The following PPM1L variants were observed in gnomAD, a reference collection of about 807,000 sequenced individuals.
PPM1L encodes protein phosphatase, Mg2+/Mn2+ dependent 1L.
In PPM1L, 13 loss-of-function variants were observed where a neutral mutation model predicts 31.4. The ratio of observed to expected loss-of-function variants is 0.41; its 90% confidence interval spans 0.27 to 0.66. The LOEUF (loss-of-function observed/expected upper bound fraction) is 0.66, where lower values mean the gene tolerates loss of function less well. PPM1L is among the 30% of genes least tolerant of loss of function. The probability of loss-of-function intolerance (pLI) is 0.29; values close to 1 mark genes in which losing one functional copy is unlikely to be tolerated. For missense variants in PPM1L, 326 were observed against 453.7 expected (o/e 0.72, Z 2.56); for synonymous variants, 184 against 175.4 (o/e 1.05, Z -0.39).
chr3:161,021,256 T>C (rs1186001559), intron 2 of PPM1L, among the ~76,000 whole-genome samples: 1 of 152,080 alleles, frequency 6.6e-6, no homozygotes, highest in Non-Finnish European at 1.5e-5. Flanking sequence ...AAATATTTTC[T>C]AATTTCCCTT....
intron 2 of PPM1L, among the ~76,000 whole-genome samples, chr3:161,002,370 G>A (rs1311998718): frequency 6.6e-6 from 1 of 152,158 alleles, no homozygotes; most frequent in African/African-American, 2.4e-5. Context: ...GGATGGCTGG[G>A]TCAAATGGTA....
chr3:160,901,914 G>A (rs1346246433), intron 1 of PPM1L, among the ~76,000 whole-genome samples: 5 of 151,912 alleles, frequency 3.3e-5, no homozygotes, highest in Non-Finnish European at 7.4e-5. Flanking sequence ...GCGTAAGTTG[G>A]TCTCATTTGT....
intron 1 of PPM1L, among the ~76,000 whole-genome samples, chr3:160,816,704 A>T (rs1010823786): frequency 2.6e-5 from 4 of 152,114 alleles, no homozygotes; most frequent in African/African-American, 9.7e-5. Flanking sequence ...GGAAGAAGTT[A>T]TGTTTATGCT....
chr3:161,000,401 G>A (rs909302224), intron 2 of PPM1L, among the ~76,000 whole-genome samples: 1 of 152,194 alleles, frequency 6.6e-6, no homozygotes, highest in Non-Finnish European at 1.5e-5. Context: ...CAGCAGAGAA[G>A]CATTCAGTGA....
At chr3:160,957,972 T>A (rs1358623725) in intron 1 of PPM1L, among the ~76,000 whole-genome samples, 1 of 152,234 alleles carries the variant, frequency 6.6e-6, no homozygotes, top group Non-Finnish European at 1.5e-5. Flanking sequence ...TTGAAAAGTA[T>A]CTGTTCGTGT....
At chr3:160,844,783 C>T (rs1714022664) in intron 1 of PPM1L, among the ~76,000 whole-genome samples, 1 of 151,896 alleles carries the variant, frequency 6.6e-6, no homozygotes, top group Admixed American at 6.6e-5. Flanking sequence ...ATAAAGTGTA[C>T]AATTCAATAG....
Position 160,814,476 on chromosome 3 carries a change from TACACAC to T in PPM1L, c.399+57785_399+57790del, listed in dbSNP as rs143386537. On this transcript the variant is annotated intron_variant, in intron 1 of 3. Coordinates refer to ENST00000498165, the MANE Select transcript of PPM1L (RefSeq NM_139245.4). ...GTGGATGAAGATGATGTGGTGTATA[TACACAC>T]ACACACACACACACATATATGTATG... Among the ~76,000 whole-genome samples the T allele has an allele frequency of 2.8e-5, 4 of 145,086 alleles. No individual in the cohort carries two copies. The South Asian group carries it at 6.5e-4, about 24-fold the overall frequency.
intron 2 of PPM1L, among the ~76,000 whole-genome samples, chr3:161,060,368 G>A (rs960067737): frequency 1.3e-5 from 2 of 152,140 alleles, no homozygotes; most frequent in East Asian, 3.9e-4. Context: ...GGAGTGGTGT[G>A]ACATGATATT....
chr3:160,940,233 CA>C (rs1287051072), intron 1 of PPM1L, among the ~76,000 whole-genome samples: 1 of 152,126 alleles, frequency 6.6e-6, no homozygotes, highest in Non-Finnish European at 1.5e-5. Flanking sequence ...ATAAGGGAAG[CA>C]GAGCACAAGC....
chr3:160,891,345 A>G (rs550976465), intron 1 of PPM1L, among the ~76,000 whole-genome samples: 1 of 152,344 alleles, frequency 6.6e-6, no homozygotes, highest in Non-Finnish European at 1.5e-5. Flanking sequence ...GAATATTTCA[A>G]GAATGTCTTC....
At chr3:161,066,676 C>T (rs1429465222) in intron 3 of PPM1L, among the ~76,000 whole-genome samples, 1 of 152,194 alleles carries the variant, frequency 6.6e-6, no homozygotes, top group Non-Finnish European at 1.5e-5. Context: ...ATGTGCCAGG[C>T]AGCAGGCCAG....
At chr3:160,909,254 G>A (rs1713870117) in intron 1 of PPM1L, among the ~76,000 whole-genome samples, 1 of 152,000 alleles carries the variant, frequency 6.6e-6, no homozygotes. Flanking sequence ...AGGAGGAAGA[G>A]GATTTGCCTG....
chr3:160,822,705 A>G (rs1157995917), intron 1 of PPM1L, among the ~76,000 whole-genome samples: 3 of 152,154 alleles, frequency 2.0e-5, no homozygotes, highest in Admixed American at 2.0e-4. Context: ...GTGAAAATAT[A>G]TTAGTAGCAA....
rs146682865 is a variant in PPM1L, at chr3:160,962,004, A to G, written c.574+94A>G. ...CTTGGTAAAAGGTTAAGGGCAAACTAGATTCAAAGTTATGTAACATGGACT... is the reference window on the plus strand; with the variant it reads ...CTTGGTAAAAGGTTAAGGGCAAACTGGATTCAAAGTTATGTAACATGGACT... On this transcript the variant is annotated intron_variant, in intron 2 of 3. Coordinates refer to ENST00000498165, the MANE Select transcript of PPM1L (RefSeq NM_139245.4). 1.7e-3 allele frequency: 1,541 copies of G among 916,602 alleles called. 30 individuals carry two copies. The East Asian group carries it at 0.036, about 21-fold the overall frequency. The allele number at this position is 916,602 out of a possible 1,614,324, so 56.8% of individuals were successfully genotyped here.
intron 1 of PPM1L, among the ~76,000 whole-genome samples, chr3:160,941,581 C>T (rs1476034400): frequency 1.3e-5 from 2 of 152,132 alleles, no homozygotes; most frequent in Non-Finnish European, 2.9e-5. Context: ...TCTCTTGCCA[C>T]TGCCATGTAA....
At chr3:160,967,894 C>T (rs1331574917) in intron 2 of PPM1L, among the ~76,000 whole-genome samples, 2 of 151,976 alleles carry the variant, frequency 1.3e-5, no homozygotes, top group African/African-American at 2.4e-5. Context: ...TCATAGATGT[C>T]TTCTAGTTCT....
At chr3:161,038,104 G>C (rs1336376258) in intron 2 of PPM1L, among the ~76,000 whole-genome samples, 1 of 151,190 alleles carries the variant, frequency 6.6e-6, no homozygotes, top group Non-Finnish European at 1.5e-5. Flanking sequence ...CGTAGTGGCG[G>C]GCGCCTGTAG....
At chr3:160,980,489 C>A (rs1057168047) in intron 2 of PPM1L, among the ~76,000 whole-genome samples, 2 of 151,714 alleles carry the variant, frequency 1.3e-5, no homozygotes, top group African/African-American at 4.8e-5. Context: ...CCATCCTGGG[C>A]AACATGGCAA....
chr3:160,887,995 TTA>T (rs1173988379), intron 1 of PPM1L, among the ~76,000 whole-genome samples: 1 of 152,154 alleles, frequency 6.6e-6, no homozygotes, highest in Non-Finnish European at 1.5e-5. Context: ...AGGGATTTCA[TTA>T]TCACTAGGCC....
Sources: gnomAD v4.1 joint callset for allele counts (sites outside exome capture counted in the v4.1 genomes callset) on GRCh38, gnomAD v4.1.1 for gene constraint, MANE v1.5 for transcripts, NCBI Gene and HGNC (gene_info 2026-07-23, HGNC 2026-07-21) for gene names.